Variants in DPP10 observed in about 807,000 individuals in gnomAD.
DPP10 encodes the protein inactive dipeptidyl peptidase 10.
DPP10 carries 33 observed loss-of-function variants against 120.9 expected under a neutral mutation model. The observed-to-expected ratio is 0.27, with a 90% CI of 0.21 to 0.37. The LOEUF (loss-of-function observed/expected upper bound fraction) is 0.37, where lower values mean the gene tolerates loss of function less well. DPP10 is among the 10% of genes least tolerant of loss of function. The pLI is 1.00. For synonymous variants in DPP10, 337 were observed against 326.1 expected (o/e 1.03, Z -0.36); for missense variants, 816 against 942.8 (o/e 0.87, Z 1.76).
At chr2:114,937,464 T>C (rs1696569624) in intron 1 of DPP10, among the ~76,000 whole-genome samples, 1 of 152,160 alleles carries the variant, frequency 6.6e-6, no homozygotes, top group Admixed American at 6.6e-5. Flanking sequence ...TCTGCAGGAC[T>C]GTCATCAGGG....
intron 7 of DPP10, among the ~76,000 whole-genome samples, chr2:115,722,461 A>T (rs1205232110): frequency 1.3e-5 from 2 of 151,836 alleles, no homozygotes; most frequent in African/African-American, 4.8e-5. Context: ...ACGTGTCGTT[A>T]CGCAATTTTG....
intron 1 of DPP10, among the ~76,000 whole-genome samples, chr2:115,162,894 G>A (rs551333320): frequency 6.6e-6 from 1 of 152,224 alleles, no homozygotes; most frequent in East Asian, 1.9e-4. Flanking sequence ...TGGAGGGTCG[G>A]GAGCGCCGAG....
At chr2:114,468,877 G>T (rs1446384093) in intron 1 of DPP10, among the ~76,000 whole-genome samples, 1 of 152,006 alleles carries the variant, frequency 6.6e-6, no homozygotes, top group Non-Finnish European at 1.5e-5. Flanking sequence ...GTGATTTCTA[G>T]ATTTTTAACA....
At chr2:115,571,693 C>CTTT (rs11462795) in intron 5 of DPP10, among the ~76,000 whole-genome samples, 7 of 117,066 alleles carry the variant, frequency 6.0e-5, no homozygotes, top group African/African-American at 1.4e-4. Flanking sequence ...GTTGTTGTTC[C>CTTT]TTTTTTTTTT....
chr2:115,181,074 A>G (rs894153319), intron 1 of DPP10, among the ~76,000 whole-genome samples: 1 of 128,056 alleles, frequency 7.8e-6, no homozygotes, highest in East Asian at 2.3e-4. Context: ...ATCTTCTAAT[A>G]TGAAACACCT....
intron 1 of DPP10, among the ~76,000 whole-genome samples, chr2:114,849,977 C>T: frequency 6.7e-6 from 1 of 149,742 alleles, no homozygotes; most frequent in Non-Finnish European, 1.5e-5. Context: ...TTCTCTTCTC[C>T]CTCCCCTCTC....
chr2:115,278,497 G>T (rs2060008420), intron 1 of DPP10, among the ~76,000 whole-genome samples: 1 of 152,200 alleles, frequency 6.6e-6, no homozygotes, highest in African/African-American at 2.4e-5. Flanking sequence ...TATGAAGAAA[G>T]GTTTTGGTGC....
At chr2:115,311,952 C>A (rs984207825) in intron 2 of DPP10, among the ~76,000 whole-genome samples, 1 of 151,938 alleles carries the variant, frequency 6.6e-6, no homozygotes, top group African/African-American at 2.4e-5. Context: ...GATAGGGTCT[C>A]TCTGTGTTGT....
intron 1 of DPP10, among the ~76,000 whole-genome samples, chr2:114,758,913 T>G (rs970845441): frequency 1.3e-5 from 2 of 152,222 alleles, no homozygotes; most frequent in African/African-American, 4.8e-5. Flanking sequence ...CTTTCATATC[T>G]GTAATCTAGT....
chr2:115,065,220 C>A (rs1278888736), intron 1 of DPP10, among the ~76,000 whole-genome samples: 1 of 152,104 alleles, frequency 6.6e-6, no homozygotes, highest in African/African-American at 2.4e-5. Context: ...CTTTATAAGT[C>A]TATCCATTTC....
intron 4 of DPP10, among the ~76,000 whole-genome samples, chr2:115,516,574 GT>G (rs5833606): frequency 0.21 from 28,601 of 138,124 alleles, 3,150 homozygotes; most frequent in East Asian, 0.38. Flanking sequence ...GTTATTCTTT[GT>G]TTTTTTTTTT....
At chr2:115,513,890 A>T (rs2077364134) in intron 4 of DPP10, among the ~76,000 whole-genome samples, 1 of 151,954 alleles carries the variant, frequency 6.6e-6, no homozygotes. Context: ...GTGACTATTT[A>T]TTGTCATTTC....
chr2:115,490,695 G>T (rs541739057), intron 3 of DPP10, among the ~76,000 whole-genome samples: 1 of 152,058 alleles, frequency 6.6e-6, no homozygotes, highest in Non-Finnish European at 1.5e-5. Flanking sequence ...TTATATATGT[G>T]TAAATGTATT....
intron 1 of DPP10, among the ~76,000 whole-genome samples, chr2:115,115,017 T>C (rs867374111): frequency 5.3e-5 from 8 of 152,006 alleles, no homozygotes; most frequent in Middle Eastern, 6.8e-3. Flanking sequence ...TGAGCAGTCA[T>C]AGGGCACTAT....
intron 3 of DPP10, among the ~76,000 whole-genome samples, chr2:115,350,624 G>A (rs1046589480): frequency 6.6e-5 from 10 of 152,066 alleles, no homozygotes; most frequent in African/African-American, 2.4e-4. Context: ...GGAGCGTGAG[G>A]TTACTGAACC....
At chr2:115,525,004 ACT>A (rs1353124177) in intron 4 of DPP10, among the ~76,000 whole-genome samples, 3 of 151,912 alleles carry the variant, frequency 2.0e-5, no homozygotes, top group Non-Finnish European at 2.9e-5. Context: ...AAACAAAGAA[ACT>A]CTGACTTTAC....
intron 1 of DPP10, among the ~76,000 whole-genome samples, chr2:114,685,993 A>T (rs1290414243): frequency 6.6e-6 from 1 of 151,968 alleles, no homozygotes; most frequent in Non-Finnish European, 1.5e-5. Flanking sequence ...AGCTGGCTCT[A>T]CCAGTACACT....
At chr2:114,663,660 TATATATATAGAGAGAG>T (rs1697641310) in intron 1 of DPP10, among the ~76,000 whole-genome samples, 1 of 91,536 alleles carries the variant, frequency 1.1e-5, no homozygotes, top group Admixed American at 9.9e-5. Context: ...TATATATATA[TATATATATAGAGAGAG>T]AGAGAGAGAG....
At chr2:115,214,519 G>A (rs576404953) in intron 1 of DPP10, among the ~76,000 whole-genome samples, 3 of 152,210 alleles carry the variant, frequency 2.0e-5, no homozygotes, top group South Asian at 2.1e-4. Context: ...TACTTCAGCC[G>A]ATGTTGAGAG....
Sources: gnomAD v4.1 joint callset for allele counts (sites outside exome capture counted in the v4.1 genomes callset) on GRCh38, gnomAD v4.1.1 for gene constraint, MANE v1.5 for transcripts, NCBI Gene and HGNC (gene_info 2026-07-23, HGNC 2026-07-21) for gene names.